SGIP1: variants seen among roughly 807,000 people sequenced by gnomAD.
The protein encoded by SGIP1 is SH3GL interacting endocytic adaptor 1.
In SGIP1, 38 loss-of-function variants were observed where a neutral mutation model predicts 107.5. That is an observed-to-expected ratio of 0.35 (90% CI 0.27 to 0.46). The LOEUF is 0.46. Among genes scored for constraint, SGIP1 ranks in the 20% least tolerant of loss-of-function variants. The pLI, the probability that SGIP1 is intolerant of heterozygous loss-of-function variation, is 1.00. For synonymous variants in SGIP1, 365 were observed against 366.1 expected (o/e 1.00, Z 0.03); for missense variants, 929 against 1,019.5 (o/e 0.91, Z 1.21).
In SGIP1 at chr1:66,743,055, T is replaced by C; in HGVS notation, c.2465-18T>C. On this transcript the variant is annotated intron_variant, in intron 24 of 24. Coordinates refer to ENST00000371037, the MANE Select transcript of SGIP1 (RefSeq NM_032291.4). The stretch of plus-strand genomic sequence containing the variant: ...TGAACTACCAGATAACCTGTTGACA[T>C]GCTGTTTTGTTTTGCAGGAAAATAC... 6.2e-7 allele frequency: 1 copy of C among 1,613,474 alleles called. No homozygotes were observed. Among genetic ancestry groups the C allele is most frequent in the Non-Finnish European group, 8.5e-7 (1 of 1,179,636 alleles).
At chr1:66,547,725 C>T (rs1303497330) in intron 1 of SGIP1, among the ~76,000 whole-genome samples, 1 of 152,024 alleles carries the variant, frequency 6.6e-6, no homozygotes, top group Non-Finnish European at 1.5e-5. Context: ...TATGAGGACA[C>T]AAGATTAACA....
At chr1:66,730,213 T>C (rs1460357129) in intron 20 of SGIP1, among the ~76,000 whole-genome samples, 3 of 152,058 alleles carry the variant, frequency 2.0e-5, no homozygotes, top group Non-Finnish European at 4.4e-5. Context: ...ATGATCATTG[T>C]TTTGATGGAA....
At chr1:66,668,391 A>C (rs1455300056) in intron 9 of SGIP1, among the ~76,000 whole-genome samples, 1 of 152,012 alleles carries the variant, frequency 6.6e-6, no homozygotes, top group Non-Finnish European at 1.5e-5. Flanking sequence ...GGGTTTCGCC[A>C]TGTTAGCCAG....
chr1:66,684,388 C>A (rs1219610114), intron 15 of SGIP1, among the ~76,000 whole-genome samples: 2 of 152,226 alleles, frequency 1.3e-5, no homozygotes, highest in African/African-American at 4.8e-5. Context: ...CAGCATCCAT[C>A]TCCATCCCTC....
At chr1:66,559,731 C>T (rs1277389801) in intron 1 of SGIP1, among the ~76,000 whole-genome samples, 1 of 151,984 alleles carries the variant, frequency 6.6e-6, no homozygotes, top group African/African-American at 2.4e-5. Context: ...TGTTTAGAAC[C>T]CAGACACATT....
At chr1:66,561,541 C>A (rs757776199) in intron 1 of SGIP1, among the ~76,000 whole-genome samples, 1 of 151,984 alleles carries the variant, frequency 6.6e-6, no homozygotes, top group East Asian at 1.9e-4. Flanking sequence ...AGTATTCAAT[C>A]GAAATTAGAG....
chr1:66,738,022 G>A (rs1264881683), intron 21 of SGIP1, among the ~76,000 whole-genome samples: 1 of 151,596 alleles, frequency 6.6e-6, no homozygotes, highest in Non-Finnish European at 1.5e-5. Flanking sequence ...TACTGCTGAG[G>A]ACAGAGTCCA....
At chr1:66,562,796 A>C (rs944590674) in intron 1 of SGIP1, among the ~76,000 whole-genome samples, 4 of 152,060 alleles carry the variant, frequency 2.6e-5, no homozygotes, top group Non-Finnish European at 5.9e-5. Context: ...AGGAGGGGAC[A>C]CGGGAAGGAG....
At chr1:66,647,344 A>G (rs969456665) in intron 7 of SGIP1, among the ~76,000 whole-genome samples, 5 of 152,300 alleles carry the variant, frequency 3.3e-5, no homozygotes, top group Admixed American at 1.3e-4. Flanking sequence ...AGTTGCGCGC[A>G]TCACTACCAC....
intron 12 of SGIP1, among the ~76,000 whole-genome samples, chr1:66,676,075 TTA>T (rs1388020203): frequency 6.6e-6 from 1 of 152,182 alleles, no homozygotes; most frequent in Non-Finnish European, 1.5e-5. Flanking sequence ...TATAGACATT[TTA>T]TATATACTCT....
chr1:66,660,470 C>T (rs748813634), intron 7 of SGIP1, 43 bp from the exon 8 acceptor site: 1 of 1,588,056 alleles, frequency 6.3e-7, no homozygotes. Context: ...TTTCACCTCT[C>T]TCATTTTCTC....
intron 1 of SGIP1, among the ~76,000 whole-genome samples, chr1:66,613,996 A>G (rs2068627745): frequency 6.6e-6 from 1 of 152,246 alleles, no homozygotes; most frequent in Non-Finnish European, 1.5e-5. Flanking sequence ...AAGCATTGAA[A>G]GAAATGCTAG....
Position 66,729,396 on chromosome 1 carries a change from G to T in SGIP1, c.1875G>T (p.Leu625=). The change falls in exon 20 of 25, where the codon CTG becomes CTT. Residue 625 remains leucine, a synonymous_variant. Transcript: ENST00000371037. ...ATTTCAGCAGGTTAGAACACGTCCT[G>T]CCAAACCCCCAACTTCTCTGCTGGT... is the stretch of plus-strand genomic sequence containing the variant. ...VINFSRLEHV[L]PNPQLLCCDN... The T allele has an allele frequency of 6.2e-7, 1 of 1,614,022 alleles. No homozygotes were observed. The highest frequency in any genetic ancestry group is 8.5e-7 in the Non-Finnish European group (1 of 1,179,980).
chr1:66,583,325 T>G (rs186295816), intron 1 of SGIP1, among the ~76,000 whole-genome samples: 1 of 152,136 alleles, frequency 6.6e-6, no homozygotes, highest in Non-Finnish European at 1.5e-5. Flanking sequence ...CACTGGAAAA[T>G]TTTAAAGTGC....
intron 8 of SGIP1, among the ~76,000 whole-genome samples, chr1:66,664,169 T>C (rs1396513061): frequency 6.6e-6 from 1 of 152,178 alleles, no homozygotes; most frequent in Non-Finnish European, 1.5e-5. Context: ...TATAAAAAAG[T>C]ATTTGAATTT....
At chr1:66,578,370 G>A (rs1336796488) in intron 1 of SGIP1, among the ~76,000 whole-genome samples, 1 of 152,180 alleles carries the variant, frequency 6.6e-6, no homozygotes, top group Non-Finnish European at 1.5e-5. Flanking sequence ...GAGTTTATAA[G>A]CTGCTCGGGA....
At position 66,745,773 on chromosome 1, in the gene SGIP1, T is replaced by C. The variant is rs959429396; in HGVS notation, c.*2678T>C. ...GCAAGATAAAAAGTATAAATGATGC[T>C]ACTTTATTTTGGCAACATGGAAATT... On this transcript the variant is annotated 3_prime_UTR_variant, in exon 25 of 25. Transcript: ENST00000371037. The C allele has an allele frequency of 6.6e-6, 1 of 152,136 alleles. No individual in the cohort carries two copies. Among genetic ancestry groups the C allele is most frequent in the Non-Finnish European group, 1.5e-5 (1 of 67,972 alleles). The allele number at this position is 152,136 out of a possible 1,614,324, so 9.4% of individuals were successfully genotyped here. A position where few individuals can be genotyped will look rare whatever the true frequency, so the allele number is the denominator to read the frequency against.
chr1:66,662,404 G>A lies in SGIP1; in HGVS notation c.471+1880G>A, dbSNP rs563506292. Among the ~76,000 whole-genome samples, 27 of 152,324 alleles carry A rather than the reference G, an allele frequency of 1.8e-4. 1 individual carries two copies. Among genetic ancestry groups the A allele is most frequent in the Admixed American group, 7.2e-4 (11 of 15,300 alleles). On this transcript the variant is annotated intron_variant, in intron 8 of 24. Coordinates refer to ENST00000371037, the MANE Select transcript of SGIP1 (RefSeq NM_032291.4). ...TTTAATGAATGTGACAAGGGGGATA[G>A]ACTGTTTGGTTAGTTGGAAATGATA...
At chr1:66,560,513 ATAAATT>A (rs1408723208) in intron 1 of SGIP1, among the ~76,000 whole-genome samples, 3 of 152,052 alleles carry the variant, frequency 2.0e-5, no homozygotes, top group Non-Finnish European at 4.4e-5. Context: ...GCAATTATGG[ATAAATT>A]TTACCATAAG....
Sources: allele counts gnomAD v4.1 joint callset (sites outside exome capture counted in the v4.1 genomes callset), GRCh38; gene constraint gnomAD v4.1.1; transcripts MANE v1.5; gene names NCBI Gene and HGNC (gene_info 2026-07-23, HGNC 2026-07-21).